SEMA3A: variants seen among roughly 807,000 people sequenced by gnomAD.
SEMA3A encodes semaphorin-3A.
Under a neutral mutation model 97.9 loss-of-function variants are expected in SEMA3A, and 29 were observed. The ratio of observed to expected loss-of-function variants is 0.30; its 90% CI spans 0.22 to 0.40. SEMA3A has a LOEUF of 0.40. Among genes scored for constraint, SEMA3A ranks in the 10% least tolerant of loss-of-function variants. SEMA3A has a pLI of 1.00. For synonymous variants in SEMA3A, 321 were observed against 323.7 expected (o/e 0.99, Z 0.09); for missense variants, 763 against 951.3 (o/e 0.80, Z 2.60).
intron 1 of SEMA3A, among the ~76,000 whole-genome samples, chr7:84,383,417 T>G (rs1004023944): frequency 6.6e-6 from 1 of 152,108 alleles, no homozygotes; most frequent in African/African-American, 2.4e-5. Context: ...TACAGTAAAT[T>G]TGAAAAAAAA....
At chr7:84,202,744 C>G (rs542762158) in intron 3 of SEMA3A, among the ~76,000 whole-genome samples, 3 of 152,094 alleles carry the variant, frequency 2.0e-5, no homozygotes, top group Non-Finnish European at 2.9e-5. Flanking sequence ...TATGTTTAGG[C>G]GCCAGTCTTT....
At chr7:84,299,964 GGAGGTTGTGGT>G (rs1360424898) in intron 3 of SEMA3A, among the ~76,000 whole-genome samples, 2 of 147,884 alleles carry the variant, frequency 1.4e-5, no homozygotes, top group African/African-American at 5.0e-5. Flanking sequence ...CCAGGGAGGC[GGAGGTTGTGGT>G]GAGCCGAGAT....
At chr7:84,035,457 T>TA (rs1791906485) in intron 6 of SEMA3A, among the ~76,000 whole-genome samples, 2 of 152,170 alleles carry the variant, frequency 1.3e-5, no homozygotes, top group African/African-American at 4.8e-5. Context: ...TATCATTGAT[T>TA]AAGATGAAAA....
At chr7:84,415,003 C>T (rs1297302955) in intron 1 of SEMA3A, among the ~76,000 whole-genome samples, 1 of 151,974 alleles carries the variant, frequency 6.6e-6, no homozygotes, top group Non-Finnish European at 1.5e-5. Context: ...TAGCTCACAT[C>T]ACTTAATAAG....
intron 12 of SEMA3A, among the ~76,000 whole-genome samples, chr7:83,987,618 G>A (rs1789692532): frequency 6.6e-6 from 1 of 152,104 alleles, no homozygotes; most frequent in South Asian, 2.1e-4. Flanking sequence ...CCTAGCACCT[G>A]GAATTACGCC....
intron 1 of SEMA3A, among the ~76,000 whole-genome samples, chr7:84,181,371 T>C (rs1375903154): frequency 6.7e-6 from 1 of 149,896 alleles, no homozygotes; most frequent in Non-Finnish European, 1.5e-5. Flanking sequence ...AAAGACTATA[T>C]AACAGGAAAA....
chr7:83,989,206 T>C (rs1476980004), intron 12 of SEMA3A, among the ~76,000 whole-genome samples: 1 of 152,162 alleles, frequency 6.6e-6, no homozygotes, highest in East Asian at 1.9e-4. Flanking sequence ...TAACAGCTAA[T>C]GTAATTGAAG....
intron 4 of SEMA3A, among the ~76,000 whole-genome samples, chr7:84,078,950 A>G (rs1169677960): frequency 2.0e-5 from 3 of 152,174 alleles, no homozygotes; most frequent in East Asian, 1.9e-4. Flanking sequence ...TATCAGCTTA[A>G]TCACCATAGA....
At chr7:84,008,923 C>T (rs1790774606) in intron 9 of SEMA3A, among the ~76,000 whole-genome samples, 1 of 151,954 alleles carries the variant, frequency 6.6e-6, no homozygotes, top group African/African-American at 2.4e-5. Context: ...GTTATCTATC[C>T]CCTTTCCATT....
chr7:84,337,801 T>G (rs1183821469), intron 2 of SEMA3A, among the ~76,000 whole-genome samples: 1 of 152,134 alleles, frequency 6.6e-6, no homozygotes, highest in African/African-American at 2.4e-5. Flanking sequence ...CATGTTCGTC[T>G]TGATCTACAT....
chr7:84,482,791 G>C (rs1299770241), intron 1 of SEMA3A, among the ~76,000 whole-genome samples: 1 of 151,690 alleles, frequency 6.6e-6, no homozygotes, highest in African/African-American at 2.4e-5. Context: ...CTGAGTTTTG[G>C]TAGAAAATCC....
At chr7:84,050,909 G>A (rs1036823001) in intron 5 of SEMA3A, among the ~76,000 whole-genome samples, 1 of 151,360 alleles carries the variant, frequency 6.6e-6, no homozygotes, top group Admixed American at 6.6e-5. Context: ...AAGGGATCCA[G>A]TTTCAGTTTT....
intron 2 of SEMA3A, among the ~76,000 whole-genome samples, chr7:84,321,757 T>C (rs1801649865): frequency 6.6e-6 from 1 of 150,924 alleles, no homozygotes; most frequent in African/African-American, 2.4e-5. Flanking sequence ...ACGCCTCTAG[T>C]CTCAGCTACT....
At chr7:84,437,179 T>C (rs1470426919) in intron 1 of SEMA3A, among the ~76,000 whole-genome samples, 4 of 152,058 alleles carry the variant, frequency 2.6e-5, no homozygotes, top group South Asian at 2.1e-4. Flanking sequence ...GAATGATCTA[T>C]GGTAATTCAA....
At chr7:84,032,644 TTC>T (rs1298205021) in intron 6 of SEMA3A, among the ~76,000 whole-genome samples, 2 of 152,140 alleles carry the variant, frequency 1.3e-5, no homozygotes, top group African/African-American at 2.4e-5. Context: ...TTATCACACA[TTC>T]TGTTTAATCT....
At chr7:84,077,819 T>C (rs547829241) in intron 4 of SEMA3A, among the ~76,000 whole-genome samples, 1 of 152,006 alleles carries the variant, frequency 6.6e-6, no homozygotes, top group Non-Finnish European at 1.5e-5. Context: ...TTACTGTGAA[T>C]ATATCTTTAT....
At chr7:83,991,050 T>G (rs4606003) in intron 12 of SEMA3A, among the ~76,000 whole-genome samples, 110,992 of 147,552 alleles carry the variant, frequency 0.75, 41,973 homozygotes, top group East Asian at 0.88. Flanking sequence ...TTGTAAGTTG[T>G]ATTCCTAGGT....
At chr7:84,050,976 C>T (rs1035812002) in intron 5 of SEMA3A, among the ~76,000 whole-genome samples, 3 of 151,598 alleles carry the variant, frequency 2.0e-5, no homozygotes, top group East Asian at 1.9e-4. Context: ...AATCCTTTCC[C>T]CATTGCTTGT....
intron 3 of SEMA3A, among the ~76,000 whole-genome samples, chr7:84,116,890 G>A (rs1484009294): frequency 1.3e-5 from 2 of 152,122 alleles, no homozygotes; most frequent in Non-Finnish European, 2.9e-5. Context: ...CCCTAATGGA[G>A]TAATACAAAC....
Sources: allele counts gnomAD v4.1 joint callset (sites outside exome capture counted in the v4.1 genomes callset), GRCh38; gene constraint gnomAD v4.1.1; transcripts MANE v1.5; gene names NCBI Gene and HGNC (gene_info 2026-07-23, HGNC 2026-07-21).